The following FSTL4 variants were observed in gnomAD, a reference collection of about 807,000 sequenced individuals.
FSTL4 encodes the protein follistatin-related protein 4.
In FSTL4, 28 loss-of-function variants were observed where a neutral mutation model predicts 78.2. That is an observed-to-expected ratio of 0.36 (90% CI 0.27 to 0.49). The LOEUF is 0.49. Ranked by LOEUF, FSTL4 falls within the 20% of genes least tolerant of loss-of-function variation. The pLI, the probability that FSTL4 is intolerant of heterozygous loss-of-function variation, is 0.98. For synonymous variants in FSTL4, 422 were observed against 440.5 expected (o/e 0.96, Z 0.53); for missense variants, 922 against 1,084.9 (o/e 0.85, Z 2.11).
chr5:133,627,347 A>G, the FSTL4 span, among the ~76,000 whole-genome samples: 1 of 152,146 alleles, frequency 6.6e-6, no homozygotes, highest in Non-Finnish European at 1.5e-5. Context: ...AGACAAGACA[A>G]TGAGAGCCAA....
chr5:133,522,993 C>T (rs1260997188), intron 3 of FSTL4, among the ~76,000 whole-genome samples: 4 of 150,072 alleles, frequency 2.7e-5, no homozygotes, highest in Non-Finnish European at 5.9e-5. Context: ...ACCCCCGAGT[C>T]CCCCCTACCC....
intron 6 of FSTL4, among the ~76,000 whole-genome samples, chr5:133,277,937 C>T (rs1215180312): frequency 1.3e-5 from 2 of 152,228 alleles, no homozygotes; most frequent in African/African-American, 2.4e-5. Context: ...TCATCACCCT[C>T]TGCCCATTCT....
At chr5:133,406,881 A>C (rs987265740) in intron 3 of FSTL4, among the ~76,000 whole-genome samples, 3 of 152,240 alleles carry the variant, frequency 2.0e-5, no homozygotes, top group Admixed American at 1.3e-4. Flanking sequence ...ACATGAGTCA[A>C]GTGACTTGCC....
At chr5:133,468,815 G>A (rs1757762152) in intron 3 of FSTL4, among the ~76,000 whole-genome samples, 1 of 152,132 alleles carries the variant, frequency 6.6e-6, no homozygotes, top group African/African-American at 2.4e-5. Flanking sequence ...AGCTCAGTGC[G>A]GGAAACAGAC....
At position 133,573,284 on chromosome 5, in the gene FSTL4, A is replaced by G. The variant is rs573298625; in HGVS notation, c.127-6065T>C. Among the ~76,000 whole-genome samples, 113 of 152,208 alleles carry G rather than the reference A, an allele frequency of 7.4e-4. 1 individual carries two copies. Among genetic ancestry groups the G allele is most frequent in the African/African-American group, 2.7e-3 (112 of 41,554 alleles). On this transcript the variant is annotated intron_variant, in intron 2 of 15. Coordinates refer to ENST00000265342, the MANE Select transcript of FSTL4 (RefSeq NM_015082.2). ...CAAAACAAAACAAAAAAAATAAATA[A>G]AAAATAAAACACACAAGGATTGGCA... is the stretch of plus-strand genomic sequence containing the variant.
chr5:133,458,958 T>G (rs2112836103), intron 3 of FSTL4, among the ~76,000 whole-genome samples: 1 of 152,176 alleles, frequency 6.6e-6, no homozygotes, highest in African/African-American at 2.4e-5. Flanking sequence ...GCAGCGGACA[T>G]TAGACACCCC....
At chr5:133,510,673 G>A (rs1365098390) in intron 3 of FSTL4, among the ~76,000 whole-genome samples, 2 of 152,030 alleles carry the variant, frequency 1.3e-5, no homozygotes, top group East Asian at 3.9e-4. Context: ...ACATTTTAAA[G>A]GCAAACAGGA....
intron 3 of FSTL4, among the ~76,000 whole-genome samples, chr5:133,562,026 G>A (rs1759925437): frequency 6.6e-6 from 1 of 152,208 alleles, no homozygotes; most frequent in Non-Finnish European, 1.5e-5. Flanking sequence ...CCCAGTGACT[G>A]TAGAAGAACA....
chr5:133,589,550 T>C (rs563484526), intron 2 of FSTL4, among the ~76,000 whole-genome samples: 74 of 152,166 alleles, frequency 4.9e-4, no homozygotes, highest in African/African-American at 1.7e-3. Context: ...AGAGGTTCAG[T>C]GGCTGCCTGA....
chr5:133,398,599 G>A (rs1237994996), intron 4 of FSTL4, among the ~76,000 whole-genome samples: 2 of 152,232 alleles, frequency 1.3e-5, no homozygotes, highest in Admixed American at 1.3e-4. Context: ...AATGATGGCA[G>A]GTCTCATGAA....
intron 4 of FSTL4, among the ~76,000 whole-genome samples, chr5:133,362,352 G>A (rs369233773): frequency 5.9e-5 from 9 of 152,042 alleles, no homozygotes; most frequent in Non-Finnish European, 8.8e-5. Context: ...TATAATTTTC[G>A]TTTCAGGGCA....
chr5:133,778,710 C>G, the FSTL4 span, among the ~76,000 whole-genome samples: 1 of 152,192 alleles, frequency 6.6e-6, no homozygotes, highest in Non-Finnish European at 1.5e-5. Context: ...CAAAACCTCC[C>G]TTTGAAAGGC....
At chr5:133,788,205 C>T in the FSTL4 span, among the ~76,000 whole-genome samples, 1 of 152,190 alleles carries the variant, frequency 6.6e-6, no homozygotes, top group Non-Finnish European at 1.5e-5. Flanking sequence ...ATCAGAAGCA[C>T]GGTGGGAGAG....
the FSTL4 span, among the ~76,000 whole-genome samples, chr5:133,704,826 G>A: frequency 3.2e-4 from 49 of 152,272 alleles, no homozygotes; most frequent in Middle Eastern, 3.4e-3. Context: ...GTGTCAGCTG[G>A]GTCACACACC....
chr5:133,385,287 C>A (rs530249484), intron 4 of FSTL4, among the ~76,000 whole-genome samples: 2 of 152,234 alleles, frequency 1.3e-5, no homozygotes, highest in Non-Finnish European at 2.9e-5. Context: ...TCTATGAAAT[C>A]GTGAAACACA....
At chr5:133,711,735 C>T in the FSTL4 span, among the ~76,000 whole-genome samples, 2 of 152,212 alleles carry the variant, frequency 1.3e-5, no homozygotes, top group African/African-American at 4.8e-5. Flanking sequence ...ACCATGATCG[C>T]TGCCCCCTCC....
chr5:133,614,732 T>C (rs1167043082), upstream of FSTL4, among the ~76,000 whole-genome samples: 2 of 152,174 alleles, frequency 1.3e-5, no homozygotes, highest in African/African-American at 4.8e-5. Flanking sequence ...AATAGCCAAC[T>C]AGGATTCTTA....
intron 2 of FSTL4, among the ~76,000 whole-genome samples, chr5:133,571,429 C>T (rs1760152321): frequency 6.6e-6 from 1 of 152,126 alleles, no homozygotes. Context: ...TGGCTAAAAT[C>T]CAAGAAAACA....
the FSTL4 span, among the ~76,000 whole-genome samples, chr5:133,821,724 C>T: frequency 6.6e-6 from 1 of 152,272 alleles, no homozygotes; most frequent in South Asian, 2.1e-4. Flanking sequence ...CAGGGAGGAG[C>T]TCCTACTTCA....
Sources: allele counts gnomAD v4.1 joint callset (sites outside exome capture counted in the v4.1 genomes callset), GRCh38; gene constraint gnomAD v4.1.1; transcripts MANE v1.5; gene names NCBI Gene and HGNC (gene_info 2026-07-23, HGNC 2026-07-21).